KCNQ5: variants seen among roughly 807,000 people sequenced by gnomAD.
KCNQ5 encodes the protein potassium voltage-gated channel subfamily KQT member 5.
A neutral mutation model predicts 98.2 loss-of-function variants in KCNQ5; 30 were observed. That is an observed-to-expected ratio of 0.31 (90% CI 0.23 to 0.41). The LOEUF (loss-of-function observed/expected upper bound fraction) is 0.41. Ranked by LOEUF, KCNQ5 falls within the 10% of genes least tolerant of loss-of-function variation. The probability of loss-of-function intolerance (pLI) is 1.00; values close to 1 mark genes in which losing one functional copy is unlikely to be tolerated. For missense variants in KCNQ5, 835 were observed against 1,182.5 expected (o/e 0.71, Z 4.31); for synonymous variants, 458 against 449.4 (o/e 1.02, Z -0.24).
chr6:73,173,581 G>T (rs1324683481), intron 11 of KCNQ5, among the ~76,000 whole-genome samples: 71 of 152,172 alleles, frequency 4.7e-4, no homozygotes. Context: ...CTAGTACTTG[G>T]CTTTGTAGTC....
chr6:73,067,564 A>G (rs1773108997), intron 3 of KCNQ5, among the ~76,000 whole-genome samples: 1 of 152,190 alleles, frequency 6.6e-6, no homozygotes, highest in Non-Finnish European at 1.5e-5. Context: ...AGAACTAGAA[A>G]TACCTGGGCT....
chr6:72,705,411 G>A (rs1405746829), intron 1 of KCNQ5, among the ~76,000 whole-genome samples: 1 of 152,106 alleles, frequency 6.6e-6, no homozygotes, highest in Non-Finnish European at 1.5e-5. Context: ...TGTTAGAATT[G>A]TCTCTATAGA....
At chr6:72,986,426 C>A (rs763071547) in intron 1 of KCNQ5, 1 of 451,262 alleles carries the variant, frequency 2.2e-6, no homozygotes, top group South Asian at 6.1e-5. Flanking sequence ...AGAAAGTGGT[C>A]AAAGAACCAG....
At chr6:72,648,801 G>C (rs1765733983) in intron 1 of KCNQ5, among the ~76,000 whole-genome samples, 2 of 148,736 alleles carry the variant, frequency 1.3e-5, no homozygotes, top group African/African-American at 5.0e-5. Context: ...AATTCTCAGA[G>C]GTCTTCTGTT....
intron 1 of KCNQ5, among the ~76,000 whole-genome samples, chr6:72,819,448 T>A (rs1033968653): frequency 1.3e-5 from 2 of 152,204 alleles, no homozygotes; most frequent in African/African-American, 4.8e-5. Flanking sequence ...ATTACATAAC[T>A]TGATTCATAT....
At chr6:72,788,140 A>C (rs1773855977) in intron 1 of KCNQ5, among the ~76,000 whole-genome samples, 1 of 152,188 alleles carries the variant, frequency 6.6e-6, no homozygotes, top group African/African-American at 2.4e-5. Flanking sequence ...TGGGGAAGAA[A>C]AGTGGGGAAA....
chr6:72,744,462 T>C (rs1771277452), intron 1 of KCNQ5, among the ~76,000 whole-genome samples: 2 of 152,144 alleles, frequency 1.3e-5, no homozygotes, highest in South Asian at 4.1e-4. Flanking sequence ...ACAATATATG[T>C]ACTATGATGT....
At chr6:72,842,724 C>T (rs1257452278) in intron 1 of KCNQ5, among the ~76,000 whole-genome samples, 1 of 152,180 alleles carries the variant, frequency 6.6e-6, no homozygotes, top group African/African-American at 2.4e-5. Context: ...ATTTGCATTT[C>T]TCTAATGACT....
chr6:73,109,070 T>C (rs576140269), intron 6 of KCNQ5, among the ~76,000 whole-genome samples: 1 of 152,276 alleles, frequency 6.6e-6, no homozygotes, highest in Admixed American at 6.5e-5. Flanking sequence ...CCAAGCTGTG[T>C]ACTAAGAGAG....
chr6:72,924,601 T>A (rs543493988), intron 1 of KCNQ5, among the ~76,000 whole-genome samples: 21 of 152,306 alleles, frequency 1.4e-4, no homozygotes, highest in African/African-American at 4.1e-4. Flanking sequence ...TGCTCAGAGC[T>A]CTCACGCAGG....
intron 1 of KCNQ5, among the ~76,000 whole-genome samples, chr6:72,855,791 C>T (rs986667384): frequency 5.3e-5 from 8 of 152,210 alleles, no homozygotes; most frequent in South Asian, 2.1e-4. Flanking sequence ...TTTCACCCTC[C>T]GGTATAGAGA....
intron 1 of KCNQ5, among the ~76,000 whole-genome samples, chr6:72,873,746 TTTC>T (rs1200576206): frequency 1.3e-5 from 2 of 152,094 alleles, no homozygotes; most frequent in African/African-American, 4.8e-5. Context: ...AAAAAACTGT[TTTC>T]TTGTTTCCCA....
intron 11 of KCNQ5, among the ~76,000 whole-genome samples, chr6:73,178,451 C>A (rs1028736508): frequency 1.3e-5 from 2 of 148,350 alleles, no homozygotes; most frequent in Non-Finnish European, 3.0e-5. Context: ...AAAAACTCTG[C>A]AGGAGAGCCT....
intron 1 of KCNQ5, among the ~76,000 whole-genome samples, chr6:72,766,326 G>A (rs1220423211): frequency 6.6e-6 from 1 of 152,030 alleles, no homozygotes; most frequent in African/African-American, 2.4e-5. Flanking sequence ...ATCATGCAAG[G>A]CTGGGTAGAC....
At chr6:72,955,827 G>A (rs1767014715) in intron 1 of KCNQ5, among the ~76,000 whole-genome samples, 1 of 152,124 alleles carries the variant, frequency 6.6e-6, no homozygotes. Flanking sequence ...GGCAGAGGTG[G>A]GAGGAATGCT....
At chr6:72,672,389 C>T (rs564562216) in intron 1 of KCNQ5, among the ~76,000 whole-genome samples, 9 of 152,206 alleles carry the variant, frequency 5.9e-5, no homozygotes, top group South Asian at 2.1e-4. Context: ...TGAGCCACTG[C>T]GCCCAGCCTT....
intron 1 of KCNQ5, among the ~76,000 whole-genome samples, chr6:72,815,592 A>G (rs1488999274): frequency 1.3e-5 from 2 of 152,204 alleles, no homozygotes; most frequent in Non-Finnish European, 2.9e-5. Context: ...CTAAGCTTAG[A>G]TATTTGAACG....
chr6:73,004,902 T>C (rs1411587402), intron 2 of KCNQ5, among the ~76,000 whole-genome samples: 3 of 152,200 alleles, frequency 2.0e-5, no homozygotes, highest in African/African-American at 7.2e-5. Context: ...AGGTTGGTTA[T>C]GTTACAGCAA....
intron 1 of KCNQ5, among the ~76,000 whole-genome samples, chr6:72,737,675 C>T (rs1770919741): frequency 6.6e-6 from 1 of 152,200 alleles, no homozygotes; most frequent in Non-Finnish European, 1.5e-5. Flanking sequence ...ATTTTGGAAA[C>T]TTTTCCTTTT....
Sources: allele counts gnomAD v4.1 joint callset (sites outside exome capture counted in the v4.1 genomes callset), GRCh38; gene constraint gnomAD v4.1.1; transcripts MANE v1.5; gene names NCBI Gene and HGNC (gene_info 2026-07-23, HGNC 2026-07-21).